CNTN3: variants seen among roughly 807,000 people sequenced by gnomAD.
CNTN3 encodes contactin-3.
CNTN3 carries 60 observed loss-of-function variants against 119.1 expected under a neutral mutation model. The observed-to-expected ratio is 0.50, with a 90% CI of 0.41 to 0.62. The LOEUF is 0.62. Ranked by LOEUF, CNTN3 falls within the 20% of genes least tolerant of loss-of-function variation. The pLI, the probability that CNTN3 is intolerant of heterozygous loss-of-function variation, is 0.00. For missense variants in CNTN3, 1,101 were observed against 1,242.4 expected, an observed-to-expected ratio of 0.89 and a Z score of 1.71; for synonymous variants, 450 against 438.7, an observed-to-expected ratio of 1.03 and a Z score of -0.32.
chr3:74,359,967 T>C (rs972276184), intron 11 of CNTN3, among the ~76,000 whole-genome samples: 1 of 152,162 alleles, frequency 6.6e-6, no homozygotes, highest in African/African-American at 2.4e-5. Flanking sequence ...AAACTGCAAA[T>C]CACTAATTAA....
chr3:74,583,202 T>C (rs921891950), intron 1 of CNTN3, among the ~76,000 whole-genome samples: 6 of 152,150 alleles, frequency 3.9e-5, no homozygotes, highest in African/African-American at 1.4e-4. Flanking sequence ...AGGTGAAGGA[T>C]GTGGTTCAGA....
intron 1 of CNTN3, among the ~76,000 whole-genome samples, chr3:74,582,818 CCTA>C (rs1704536177): frequency 8.1e-6 from 1 of 123,116 alleles, no homozygotes; most frequent in South Asian, 2.6e-4. Context: ...TGTGTGTGAC[CCTA>C]CGACACAGAA....
At chr3:74,448,632 T>C (rs1359438235) in intron 4 of CNTN3, among the ~76,000 whole-genome samples, 2 of 152,126 alleles carry the variant, frequency 1.3e-5, no homozygotes, top group Non-Finnish European at 2.9e-5. Context: ...GAGAACAACG[T>C]TGCATACATT....
At chr3:74,457,043 T>C (rs1008827486) in intron 4 of CNTN3, among the ~76,000 whole-genome samples, 3 of 152,090 alleles carry the variant, frequency 2.0e-5, no homozygotes, top group African/African-American at 7.2e-5. Context: ...AAATTTATTT[T>C]AAGATTATTA....
chr3:74,343,024 A>AGG (rs1703585748), intron 11 of CNTN3, among the ~76,000 whole-genome samples: 1 of 152,246 alleles, frequency 6.6e-6, no homozygotes, highest in Non-Finnish European at 1.5e-5. Context: ...GATATTATTA[A>AGG]GGTTCACAGG....
At chr3:74,423,051 T>C (rs7613031) in intron 5 of CNTN3, among the ~76,000 whole-genome samples, 2,356 of 152,264 alleles carry the variant, frequency 0.015, 53 homozygotes, top group African/African-American at 0.054. Flanking sequence ...AGGTCACCTT[T>C]GCCTCCACAA....
At chr3:74,538,796 C>T (rs542314258) in intron 1 of CNTN3, among the ~76,000 whole-genome samples, 4 of 151,990 alleles carry the variant, frequency 2.6e-5, no homozygotes, top group East Asian at 3.9e-4. Flanking sequence ...TATAGAGACT[C>T]GTAACTGAAA....
At chr3:74,401,456 C>A (rs2106849978) in intron 5 of CNTN3, among the ~76,000 whole-genome samples, 1 of 152,168 alleles carries the variant, frequency 6.6e-6, no homozygotes, top group South Asian at 2.1e-4. Context: ...TTTACACATT[C>A]TCCACTCATA....
At chr3:74,307,027 G>C (rs1702578732) in intron 13 of CNTN3, among the ~76,000 whole-genome samples, 1 of 152,124 alleles carries the variant, frequency 6.6e-6, no homozygotes, top group Non-Finnish European at 1.5e-5. Context: ...CTGCTCATTT[G>C]AGCTAAGATT....
chr3:74,452,585 TC>T (rs1230198557), intron 4 of CNTN3, among the ~76,000 whole-genome samples: 2 of 122,948 alleles, frequency 1.6e-5, no homozygotes, highest in East Asian at 4.9e-4. Flanking sequence ...GGCATCCCTG[TC>T]TTCTGCCAGT....
chr3:74,590,731 T>TA (rs1384380892), intron 1 of CNTN3, among the ~76,000 whole-genome samples: 1 of 152,046 alleles, frequency 6.6e-6, no homozygotes, highest in Non-Finnish European at 1.5e-5. Flanking sequence ...TGCATTATCT[T>TA]AACACATAAA....
At chr3:74,391,086 C>G (rs1055084666) in intron 5 of CNTN3, among the ~76,000 whole-genome samples, 1 of 152,162 alleles carries the variant, frequency 6.6e-6, no homozygotes, top group East Asian at 1.9e-4. Context: ...TTTGGCAGCC[C>G]CATAAAACAT....
chr3:74,486,362 C>T, intron 4 of CNTN3, 94 bp downstream of exon 4: 1 of 1,106,188 alleles, frequency 9.0e-7, no homozygotes, highest in Non-Finnish European at 1.3e-6. Context: ...ATTAATAAAA[C>T]CCATGTATTA....
intron 4 of CNTN3, among the ~76,000 whole-genome samples, chr3:74,469,343 G>T (rs565968510): frequency 6.6e-6 from 1 of 152,166 alleles, no homozygotes; most frequent in African/African-American, 2.4e-5. Flanking sequence ...GACAGCCCTT[G>T]TCAGTCTACT....
chr3:74,515,400 C>T (rs755121203), intron 2 of CNTN3, among the ~76,000 whole-genome samples: 5 of 152,016 alleles, frequency 3.3e-5, no homozygotes, highest in Non-Finnish European at 7.4e-5. Flanking sequence ...TCTTTCCACA[C>T]TGGTGAGCAT....
intron 13 of CNTN3, among the ~76,000 whole-genome samples, chr3:74,321,401 A>C (rs1451304963): frequency 6.6e-6 from 1 of 152,200 alleles, no homozygotes. Context: ...TTTGTAGAAT[A>C]TAGTCAAAGC....
At chr3:74,411,361 G>A (rs1026764917) in intron 5 of CNTN3, among the ~76,000 whole-genome samples, 1 of 152,082 alleles carries the variant, frequency 6.6e-6, no homozygotes, top group South Asian at 2.1e-4. Flanking sequence ...CTTTAAGCTA[G>A]GTCAGCGCTT....
At chr3:74,420,663 A>G (rs1701602308) in intron 5 of CNTN3, among the ~76,000 whole-genome samples, 1 of 152,194 alleles carries the variant, frequency 6.6e-6, no homozygotes, top group Admixed American at 6.5e-5. Context: ...TTGGCTTAGG[A>G]CAGTGTCACT....
At chr3:74,309,740 G>A (rs1226664225) in intron 13 of CNTN3, among the ~76,000 whole-genome samples, 1 of 152,150 alleles carries the variant, frequency 6.6e-6, no homozygotes. Context: ...TAATTGCTCT[G>A]ATTTCTCCTA....
Sources: gnomAD v4.1 joint callset for allele counts (sites outside exome capture counted in the v4.1 genomes callset) on GRCh38, gnomAD v4.1.1 for gene constraint, MANE v1.5 for transcripts, NCBI Gene and HGNC (gene_info 2026-07-23, HGNC 2026-07-21) for gene names.